Variants in SMAP1 observed in about 807,000 individuals in gnomAD.
SMAP1 encodes small ArfGAP 1.
A neutral mutation model predicts 58.5 loss-of-function variants in SMAP1; 24 were observed. The observed-to-expected ratio is 0.41, with a 90% CI of 0.30 to 0.58. The LOEUF (loss-of-function observed/expected upper bound fraction) is 0.58, where lower values mean the gene tolerates loss of function less well. Ranked by LOEUF, SMAP1 falls within the 20% of genes least tolerant of loss-of-function variation. The pLI is 0.29. For missense variants in SMAP1, 563 were observed against 566.3 expected (o/e 0.99, Z 0.06); for synonymous variants, 216 against 196.6 (o/e 1.10, Z -0.82).
chr6:70,860,146 A>C (rs1771648059), intron 10 of SMAP1, 54 bp from the exon 11 acceptor site: 1 of 1,515,624 alleles, frequency 6.6e-7, no homozygotes, highest in Non-Finnish European at 8.8e-7. Flanking sequence ...CTAAAGAAAC[A>C]AGAATTAAAA....
At chr6:70,820,822 A>G (rs1045081164) in intron 6 of SMAP1, among the ~76,000 whole-genome samples, 1 of 152,126 alleles carries the variant, frequency 6.6e-6, no homozygotes, top group South Asian at 2.1e-4. Context: ...TTAATTTTGC[A>G]GAGTGTGTTG....
chr6:70,859,687 T>TCTTATGCTTTATTGCATACAATG lies in SMAP1; in HGVS notation c.1270-512_1270-490dup, dbSNP rs1771617783. ...CAGTCTTGAAGAAAAATACATGTAA[T>TCTTATGCTTTATTGCATACAATG]CTTATGCTTTATTGCATACAATGAA... On this transcript the variant is annotated intron_variant, in intron 10 of 10. Coordinates refer to ENST00000370455, the MANE Select transcript of SMAP1 (RefSeq NM_001044305.3). The TCTTATGCTTTATTGCATACAATG allele has an allele frequency of 1.3e-5, 3 of 231,952 alleles. No homozygotes were observed. The South Asian group carries it at 4.3e-4, about 33-fold the overall frequency. The allele number at this position is 231,952 out of a possible 1,614,324, so 14.4% of individuals were successfully genotyped here.
chr6:70,769,803 AGC>A (rs1456354240), intron 3 of SMAP1, among the ~76,000 whole-genome samples: 1 of 152,130 alleles, frequency 6.6e-6, no homozygotes, highest in Non-Finnish European at 1.5e-5. Context: ...TTATGATGTT[AGC>A]TGGTTATTTT....
rs1400744119 is a variant in SMAP1, at chr6:70,791,670, T to A, written c.415-19T>A. 6.2e-7 allele frequency: 1 copy of A among 1,604,494 alleles called. No homozygotes were observed. Among genetic ancestry groups the A allele is most frequent in the East Asian group, 2.2e-5 (1 of 44,614 alleles). On this transcript the variant is annotated intron_variant, in intron 4 of 10. Transcript: ENST00000370455. Reference sequence around the variant, plus strand: ...TCTTTTTGTTTTTTTCCTCCTGACTTTTCACCTGTACTCCACAGATTTCCT... The same window carrying A: ...TCTTTTTGTTTTTTTCCTCCTGACTATTCACCTGTACTCCACAGATTTCCT...
intron 1 of SMAP1, among the ~76,000 whole-genome samples, chr6:70,703,022 A>C (rs1767698016): frequency 6.6e-6 from 1 of 151,836 alleles, no homozygotes; most frequent in South Asian, 2.1e-4. Context: ...GTGTAATTTG[A>C]GGGTTTGTTT....
chr6:70,755,173 T>C (rs1766436232), intron 3 of SMAP1, 108 bp downstream of exon 3: 3 of 852,806 alleles, frequency 3.5e-6, no homozygotes, highest in Non-Finnish European at 1.8e-6. Flanking sequence ...ATCACGCTAC[T>C]GTTCATTAAA....
chr6:70,706,514 C>A (rs1362329516), intron 1 of SMAP1, among the ~76,000 whole-genome samples: 1 of 152,084 alleles, frequency 6.6e-6, no homozygotes, highest in African/African-American at 2.4e-5. Flanking sequence ...ATCTGGTAAA[C>A]CATCATGTTA....
intron 3 of SMAP1, among the ~76,000 whole-genome samples, chr6:70,770,329 T>C (rs955402463): frequency 6.6e-6 from 1 of 152,202 alleles, no homozygotes; most frequent in Non-Finnish European, 1.5e-5. Flanking sequence ...TCCTGGATAA[T>C]ATCCTGCAGA....
At position 70,725,093 on chromosome 6, in the gene SMAP1, G is replaced by GTTTTTTTTTTTT. The variant is rs745587315; in HGVS notation, c.119-7255_119-7244dup. ...GACTCCATATCCTAAATTAACCAGT[G>GTTTTTTTTTTTT]TTTTTTTTTTTTTTTTTTTTTTTTT... On this transcript the variant is annotated intron_variant, in intron 1 of 10. Transcript: ENST00000370455. Among the ~76,000 whole-genome samples, 15 of 47,822 alleles carry GTTTTTTTTTTTT rather than the reference G, an allele frequency of 3.1e-4. 4 individuals carry two copies. Among genetic ancestry groups the GTTTTTTTTTTTT allele is most frequent in the Non-Finnish European group, 5.2e-4 (13 of 24,998 alleles). The allele number at this position is 47,822 out of a possible 152,430, so 31.4% of individuals were successfully genotyped here.
chr6:70,673,124 A>G (rs557635074), intron 1 of SMAP1, among the ~76,000 whole-genome samples: 8 of 152,268 alleles, frequency 5.3e-5, no homozygotes, highest in Non-Finnish European at 7.4e-5. Context: ...CACTGTAGCT[A>G]TTTTCAGGAA....
intron 4 of SMAP1, among the ~76,000 whole-genome samples, chr6:70,781,894 A>G (rs2149926034): frequency 6.6e-6 from 1 of 152,298 alleles, no homozygotes; most frequent in African/African-American, 2.4e-5. Context: ...GAGTTTTTTC[A>G]CATATCGGTT....
chr6:70,765,165 A>G (rs996372999), intron 3 of SMAP1, among the ~76,000 whole-genome samples: 5 of 152,180 alleles, frequency 3.3e-5, no homozygotes, highest in Non-Finnish European at 5.9e-5. Context: ...TTTAGATTTT[A>G]TGTCCAGCTT....
rs139526336 is a variant in SMAP1, at chr6:70,668,086, A to G, written c.63A>G (p.Leu21=). Residue 21 remains leucine, a synonymous_variant, in exon 1 of 11, where the codon CTA becomes CTG. Coordinates refer to ENST00000370455, the MANE Select transcript of SMAP1 (RefSeq NM_001044305.3). The part of the protein sequence containing the change: ...QKLNEQHQLI[L]SKLLREEDNK... ...TGAACGAGCAGCACCAGCTCATCCT[A>G]TCCAAGCTTCTGAGGGAGGAGGACA... 3.2e-5 allele frequency: 51 copies of G among 1,605,472 alleles called. No homozygotes were observed. The African/African-American group carries it at 6.0e-4, about 19-fold the overall frequency.
intron 2 of SMAP1, among the ~76,000 whole-genome samples, chr6:70,742,966 T>C (rs1386979504): frequency 6.6e-6 from 1 of 152,126 alleles, no homozygotes; most frequent in Non-Finnish European, 1.5e-5. Flanking sequence ...GATTCAGTTA[T>C]CTCCAACTGG....
chr6:70,712,778 T>C (rs1487001012), intron 1 of SMAP1, among the ~76,000 whole-genome samples: 1 of 150,730 alleles, frequency 6.6e-6, no homozygotes, highest in Non-Finnish European at 1.5e-5. Flanking sequence ...TTTTCTTTTC[T>C]TTTTTCTTTT....
intron 6 of SMAP1, among the ~76,000 whole-genome samples, chr6:70,829,248 T>A (rs1582270122): frequency 6.6e-6 from 1 of 151,630 alleles, no homozygotes; most frequent in Non-Finnish European, 1.5e-5. Context: ...TTTTTTTCTG[T>A]TTTTTTCTTT....
chr6:70,805,727 C>T (rs1305918794), intron 6 of SMAP1, among the ~76,000 whole-genome samples: 1 of 152,178 alleles, frequency 6.6e-6, no homozygotes, highest in South Asian at 2.1e-4. Flanking sequence ...CTATTCCTTT[C>T]TGTTTGTTGG....
intron 3 of SMAP1, among the ~76,000 whole-genome samples, chr6:70,757,001 A>G (rs570784926): frequency 6.6e-6 from 1 of 152,322 alleles, no homozygotes; most frequent in South Asian, 2.1e-4. Context: ...CTTTCTTCAC[A>G]GAATTGGAAA....
chr6:70,680,755 G>A (rs1014088592), intron 1 of SMAP1, among the ~76,000 whole-genome samples: 1 of 109,234 alleles, frequency 9.2e-6, no homozygotes, highest in Admixed American at 1.5e-4. Context: ...GTCTCACTGT[G>A]TCTCCCAGGC....
Sources: gnomAD v4.1 joint callset for allele counts (sites outside exome capture counted in the v4.1 genomes callset) on GRCh38, gnomAD v4.1.1 for gene constraint, MANE v1.5 for transcripts, NCBI Gene and HGNC (gene_info 2026-07-23, HGNC 2026-07-21) for gene names.